Variants in CDH23 observed in about 807,000 individuals in gnomAD.
The protein encoded by CDH23 is cadherin related 23.
In CDH23, 189 loss-of-function variants were observed where a neutral mutation model predicts 317.1. That is an observed-to-expected ratio of 0.60 (90% CI 0.53 to 0.67). CDH23 has a LOEUF of 0.67. Among genes scored for constraint, CDH23 ranks in the 30% least tolerant of loss-of-function variants. The probability of loss-of-function intolerance (pLI) is 0.00; values close to 1 mark genes in which losing one functional copy is unlikely to be tolerated. For missense variants in CDH23, 4,401 were observed against 4,592.4 expected (o/e 0.96, Z 1.20); for synonymous variants, 1,839 against 1,876.8 (o/e 0.98, Z 0.52).
At position 71,778,251 on chromosome 10, in the gene CDH23, C is replaced by A. The variant is rs111033487; in HGVS notation, c.5130C>A (p.Ile1710=). 1.9e-4 allele frequency: 314 copies of A among 1,613,910 alleles called. 2 individuals carry two copies. In the African/African-American group the frequency reaches 3.3e-3, roughly 17 times the overall value. ...TCAGCCACGGCCGCTACACCCTGAT[C>A]GTCACTGCCACAGACCAGTGCCCCA... is the stretch of plus-strand genomic sequence containing the variant. ...YEISHGRYTL[I]VTATDQCPIL... is the part of the protein sequence containing the mutation. The change falls in exon 40 of 70, where the codon ATC becomes ATA. Residue 1710 remains isoleucine (I), a synonymous_variant. Coordinates refer to ENST00000224721, the MANE Select transcript of CDH23 (RefSeq NM_022124.6).
intron 2 of CDH23, 59 bp from the exon 3 acceptor site, chr10:71,446,259 T>C (rs1850160883): frequency 1.3e-6 from 2 of 1,501,552 alleles, no homozygotes; most frequent in South Asian, 1.1e-5. Flanking sequence ...TGTCACCTTA[T>C]AGAGTGTGTA....
intron 3 of CDH23, among the ~76,000 whole-genome samples, chr10:71,502,656 G>T (rs1260731169): frequency 6.6e-6 from 1 of 152,210 alleles, no homozygotes; most frequent in African/African-American, 2.4e-5. Flanking sequence ...AGGGAAATGT[G>T]CATGGCCAGG....
At chr10:71,500,774 CTT>C (rs1424644583) in intron 3 of CDH23, among the ~76,000 whole-genome samples, 1 of 130,040 alleles carries the variant, frequency 7.7e-6, no homozygotes, top group African/African-American at 3.0e-5. Flanking sequence ...CTTTTCTTTT[CTT>C]TTCTTTTCTT....
intron 6 of CDH23, among the ~76,000 whole-genome samples, chr10:71,524,428 G>C (rs578138601): frequency 6.6e-6 from 1 of 152,328 alleles, no homozygotes; most frequent in East Asian, 1.9e-4. Context: ...CGAGCTCCCT[G>C]CCAGGCCGTG....
In CDH23 at chr10:71,707,379, C is replaced by T. The variant is rs548710438; in HGVS notation, c.3106+330C>T. ...GAGCCCTGAGCCCCACTCCCCGCCC[C>T]AAGTCTGGGTGACAGAGCAGTGACT... is the stretch of plus-strand genomic sequence containing the variant. On this transcript the variant is annotated intron_variant, in intron 26 of 69. Coordinates refer to ENST00000224721, the MANE Select transcript of CDH23 (RefSeq NM_022124.6). 1.7e-4 allele frequency: 234 copies of T among 1,360,566 alleles called. No homozygotes were observed. In the African/African-American group the frequency reaches 3.2e-3, roughly 18 times the overall value. 84.3% of individuals were successfully genotyped at this position (1,360,566 alleles called of 1,614,324 possible).
chr10:71,777,926 G>C, intron 39 of CDH23, 25 bp downstream of exon 39: 2 of 1,612,068 alleles, frequency 1.2e-6, no homozygotes, highest in South Asian at 2.2e-5. Context: ...GCAGGATCAA[G>C]ACAAGGGGCG....
At chr10:71,549,797 T>C (rs957353189) in intron 6 of CDH23, among the ~76,000 whole-genome samples, 6 of 152,200 alleles carry the variant, frequency 3.9e-5, no homozygotes, top group African/African-American at 1.4e-4. Flanking sequence ...GAAAACGGTC[T>C]TGACTGCAAC....
intron 28 of CDH23, chr10:71,713,081 C>T (rs531282921): frequency 1.2e-5 from 9 of 753,496 alleles, no homozygotes; most frequent in Admixed American, 5.5e-5. Context: ...GCATATCTCC[C>T]GCCCCACCCA....
chr10:71,400,143 G>C (rs1438627671), intron 1 of CDH23, among the ~76,000 whole-genome samples: 1 of 152,196 alleles, frequency 6.6e-6, no homozygotes, highest in African/African-American at 2.4e-5. Flanking sequence ...CTAGCTTCAA[G>C]ATACAGGGAT....
intron 20 of CDH23, among the ~76,000 whole-genome samples, chr10:71,690,916 G>A (rs1017417463): frequency 2.8e-4 from 42 of 152,278 alleles, no homozygotes; most frequent in African/African-American, 9.6e-4. Context: ...CCCTCCCTCA[G>A]CTGCTGACCT....
intron 6 of CDH23, among the ~76,000 whole-genome samples, chr10:71,516,777 G>A (rs1854355273): frequency 6.6e-6 from 1 of 152,186 alleles, no homozygotes; most frequent in Non-Finnish European, 1.5e-5. Flanking sequence ...AGGCAGGCCT[G>A]GGGTGGCACG....
chr10:71,492,950 C>G (rs903665844), intron 3 of CDH23, among the ~76,000 whole-genome samples: 7 of 152,188 alleles, frequency 4.6e-5, no homozygotes, highest in African/African-American at 1.7e-4. Context: ...AGTGGGGCAA[C>G]TTGCCTAGGC....
chr10:71,782,851 G>A lies in CDH23; in HGVS notation c.5369-1436G>A, dbSNP rs529070818. 4.6e-5 allele frequency among the ~76,000 whole-genome samples: 7 copies of A among 152,366 alleles called. No homozygotes were observed. In the East Asian group the frequency reaches 1.2e-3, roughly 25 times the overall value. ...CCCCCAGGCAGGGTGAAGCCTATGG[G>A]ACGGGAAGAGCCTGGGAGCGGAAGG... On this transcript the variant is annotated intron_variant, in intron 41 of 69. Transcript: ENST00000224721.
intron 6 of CDH23, among the ~76,000 whole-genome samples, chr10:71,525,149 T>C (rs1195234684): frequency 1.3e-5 from 2 of 152,138 alleles, no homozygotes; most frequent in Non-Finnish European, 2.9e-5. Flanking sequence ...TCAAGTGATC[T>C]GCCCACCTCG....
intron 9 of CDH23, among the ~76,000 whole-genome samples, chr10:71,597,294 G>C (rs1384906771): frequency 6.6e-6 from 1 of 152,052 alleles, no homozygotes; most frequent in East Asian, 1.9e-4. Flanking sequence ...TGGTTTCATG[G>C]ACCTCACCTG....
At chr10:71,656,220 C>T (rs992127988) in intron 14 of CDH23, among the ~76,000 whole-genome samples, 1 of 152,314 alleles carries the variant, frequency 6.6e-6, no homozygotes, top group Non-Finnish European at 1.5e-5. Context: ...TCAGGGCATA[C>T]GAGTCCAAGG....
chr10:71,622,681 A>G (rs1021486889), intron 11 of CDH23, among the ~76,000 whole-genome samples: 7 of 152,196 alleles, frequency 4.6e-5, no homozygotes, highest in Non-Finnish European at 8.8e-5. Context: ...GTCAGGAGAA[A>G]TACCATTTGC....
intron 6 of CDH23, among the ~76,000 whole-genome samples, chr10:71,544,781 G>A (rs116526232): frequency 2.0e-5 from 3 of 152,328 alleles, no homozygotes; most frequent in African/African-American, 7.2e-5. Context: ...ATAGTGCTCC[G>A]TTTTCTAACT....
intron 6 of CDH23, among the ~76,000 whole-genome samples, chr10:71,557,813 C>T (rs1394625280): frequency 6.6e-6 from 1 of 152,100 alleles, no homozygotes; most frequent in African/African-American, 2.4e-5. Context: ...CTCTGAAAGT[C>T]TCAGGATTTT....
Sources: allele counts gnomAD v4.1 joint callset (sites outside exome capture counted in the v4.1 genomes callset), GRCh38; gene constraint gnomAD v4.1.1; transcripts MANE v1.5; gene names NCBI Gene and HGNC (gene_info 2026-07-23, HGNC 2026-07-21).